Variants in SH3BP4 observed in about 807,000 individuals in gnomAD.
The protein encoded by SH3BP4 is SH3 domain-binding protein 4.
Under a neutral mutation model 65.5 loss-of-function variants are expected in SH3BP4, and 33 were observed. The ratio of observed to expected loss-of-function variants is 0.50; its 90% CI spans 0.38 to 0.67. The LOEUF (loss-of-function observed/expected upper bound fraction) is 0.67, where lower values mean the gene tolerates loss of function less well. Ranked by LOEUF, SH3BP4 falls within the 30% of genes least tolerant of loss-of-function variation. The pLI, the probability that SH3BP4 is intolerant of heterozygous loss-of-function variation, is 0.00. For missense variants in SH3BP4, 1,134 were observed against 1,261.4 expected (o/e 0.90, Z 1.53); for synonymous variants, 552 against 545.5 (o/e 1.01, Z -0.17).
chr2:235,011,313 G>C (rs1284440146), intron 2 of SH3BP4, among the ~76,000 whole-genome samples: 2 of 152,254 alleles, frequency 1.3e-5, no homozygotes, highest in South Asian at 2.1e-4. Context: ...AAAAATATCT[G>C]CCTTCATTGT....
At chr2:235,009,261 G>A (rs894734236) in intron 2 of SH3BP4, among the ~76,000 whole-genome samples, 1 of 152,172 alleles carries the variant, frequency 6.6e-6, no homozygotes, top group Non-Finnish European at 1.5e-5. Context: ...TGCAGTGTGT[G>A]TCTGTCTGCC....
At chr2:235,039,054 A>G (rs906900498) in intron 3 of SH3BP4, among the ~76,000 whole-genome samples, 1 of 152,084 alleles carries the variant, frequency 6.6e-6, no homozygotes, top group African/African-American at 2.4e-5. Flanking sequence ...GAGGAAATAC[A>G]CTTTTTGTCC....
At position 235,046,228 on chromosome 2, in the gene SH3BP4, C is replaced by T. The variant is rs975949984; in HGVS notation, c.2478+2981C>T. Reference sequence around the variant, plus strand: ...TCCAGGACGTCCTTCTCTGCAGCCCCGCGCACTCCATCATCCTCTGTCTCC... The same window carrying T: ...TCCAGGACGTCCTTCTCTGCAGCCCTGCGCACTCCATCATCCTCTGTCTCC... On this transcript the variant is annotated intron_variant, in intron 4 of 5. Transcript: ENST00000392011. This position sits in a 1 kb window ranked among gnomAD's most constrained non-coding sequence, Gnocchi z 4.2. 2.0e-4 allele frequency among the ~76,000 whole-genome samples: 31 copies of T among 152,316 alleles called. No individual in the cohort carries two copies. The highest frequency in any genetic ancestry group is 6.7e-4 in the African/African-American group (28 of 41,578).
At chr2:234,989,204 T>C (rs1318019449) in intron 1 of SH3BP4, among the ~76,000 whole-genome samples, 1 of 150,088 alleles carries the variant, frequency 6.7e-6, no homozygotes, top group Non-Finnish European at 1.5e-5. Flanking sequence ...GTCTTGGACG[T>C]GCCGTGCATG....
intron 4 of SH3BP4, among the ~76,000 whole-genome samples, chr2:235,051,201 G>T (rs962929470): frequency 5.9e-5 from 9 of 152,202 alleles, no homozygotes; most frequent in African/African-American, 2.2e-4. Flanking sequence ...ACCATGTGTG[G>T]CCTCATTTAT....
In SH3BP4 at chr2:234,991,676, C is replaced by G. The variant is rs1009923235; in HGVS notation, c.-206-3627C>G. On this transcript the variant is annotated intron_variant, in intron 1 of 5. Transcript: ENST00000392011. This position sits in a 1 kb window ranked among gnomAD's most constrained non-coding sequence, Gnocchi z 4.2. ...ACAGTGCTTGACTGAAAGATCGTAC[C>G]CCCCTCTTCTCAGCAAGGCGGTCCT... 6.6e-6 allele frequency among the ~76,000 whole-genome samples: 1 copy of G among 152,200 alleles called. No individual in the cohort carries two copies. The highest frequency in any genetic ancestry group is 2.4e-5 in the African/African-American group (1 of 41,454).
At chr2:234,963,472 C>G (rs914428806) in intron 1 of SH3BP4, among the ~76,000 whole-genome samples, 3 of 152,170 alleles carry the variant, frequency 2.0e-5, no homozygotes, top group Non-Finnish European at 2.9e-5. Context: ...TGTTCCCATC[C>G]TTTTTGGGGG....
At chr2:234,993,173 GC>G (rs1190220303) in intron 1 of SH3BP4, among the ~76,000 whole-genome samples, 7 of 152,218 alleles carry the variant, frequency 4.6e-5, no homozygotes, top group African/African-American at 1.7e-4. Context: ...GCTGAGATGA[GC>G]CCCGGGGGTC....
intron 2 of SH3BP4, among the ~76,000 whole-genome samples, chr2:235,010,826 C>T (rs866966505): frequency 5.1e-5 from 6 of 116,756 alleles, no homozygotes; most frequent in African/African-American, 1.8e-4. Flanking sequence ...AGAACCCTTC[C>T]TCCCTCTCCT....
Position 234,977,215 on chromosome 2 carries a change from C to T in SH3BP4, c.-206-18088C>T, listed in dbSNP as rs1009627903. Reference sequence around the variant, plus strand: ...CCTCTGCACCCGTGTCTGCTTCAGGCAGGTGACACTGGGCACCTCCTGCCG... The same window carrying T: ...CCTCTGCACCCGTGTCTGCTTCAGGTAGGTGACACTGGGCACCTCCTGCCG... On this transcript the variant is annotated intron_variant, in intron 1 of 5. Coordinates refer to ENST00000392011, the MANE Select transcript of SH3BP4 (RefSeq NM_014521.3). This position sits in a 1 kb window ranked among gnomAD's most constrained non-coding sequence, Gnocchi z 5.1. 1.3e-5 allele frequency among the ~76,000 whole-genome samples: 2 copies of T among 152,234 alleles called. No homozygotes were observed. Among genetic ancestry groups the T allele is most frequent in the Non-Finnish European group, 2.9e-5 (2 of 68,030 alleles).
intron 1 of SH3BP4, among the ~76,000 whole-genome samples, chr2:234,971,396 C>G (rs1283296824): frequency 6.6e-6 from 1 of 152,186 alleles, no homozygotes; most frequent in African/African-American, 2.4e-5. Flanking sequence ...ATTCATCTGT[C>G]CATGGACATT....
chr2:235,028,048 G>T (rs1414763237), intron 2 of SH3BP4, among the ~76,000 whole-genome samples: 5 of 152,224 alleles, frequency 3.3e-5, no homozygotes, highest in Non-Finnish European at 4.4e-5. Context: ...CAGTGATGTT[G>T]TCTGTTCAGA....
chr2:235,019,263 G>C (rs1432974433), intron 2 of SH3BP4, among the ~76,000 whole-genome samples: 1 of 152,084 alleles, frequency 6.6e-6, no homozygotes, highest in Admixed American at 6.5e-5. Context: ...ACTCAGGTGA[G>C]TGATGGTGCA....
Position 235,027,034 on chromosome 2 carries a change from C to T in SH3BP4, c.-132-7837C>T, listed in dbSNP as rs190888153. Among the ~76,000 whole-genome samples the T allele has an allele frequency of 2.3e-3, 343 of 152,360 alleles. 2 individuals are homozygous for T. Among genetic ancestry groups the T allele is most frequent in the African/African-American group, 7.8e-3 (326 of 41,590 alleles). On this transcript the variant is annotated intron_variant, in intron 2 of 5. Transcript: ENST00000392011. ...GAGCATTAGGAAAGGTTCTGCTGAT[C>T]AGGCTTCTGTAACAGGCGGGGCATC...
At chr2:234,965,520 C>A (rs896211757) in intron 1 of SH3BP4, among the ~76,000 whole-genome samples, 1 of 152,196 alleles carries the variant, frequency 6.6e-6, no homozygotes, top group African/African-American at 2.4e-5. Flanking sequence ...ATAGGAAAAC[C>A]GGCTGTCCTC....
intron 1 of SH3BP4, among the ~76,000 whole-genome samples, chr2:234,988,076 T>G (rs1311593370): frequency 6.6e-6 from 1 of 152,176 alleles, no homozygotes; most frequent in Non-Finnish European, 1.5e-5. Context: ...TTTTTTTTCT[T>G]TGAGTCAGAG....
intron 2 of SH3BP4, among the ~76,000 whole-genome samples, chr2:235,012,472 A>T (rs193279596): frequency 6.6e-4 from 100 of 152,318 alleles, no homozygotes; most frequent in Admixed American, 2.8e-3. Context: ...ATCATTGTAC[A>T]TCCCACCTAA....
At chr2:234,957,705 G>C (rs1398249377) in intron 1 of SH3BP4, among the ~76,000 whole-genome samples, 2 of 151,900 alleles carry the variant, frequency 1.3e-5, no homozygotes, top group African/African-American at 4.8e-5. Context: ...TGTAGATTTG[G>C]AAAGCTTCCC....
rs1695479267 is a variant in SH3BP4, at chr2:235,038,307, ATATATTATATATT to A, written c.119-2580_119-2568del. Among the ~76,000 whole-genome samples, 5 of 14,220 alleles carry A rather than the reference ATATATTATATATT, an allele frequency of 3.5e-4. No homozygotes were observed. In the Admixed American group the frequency reaches 6.9e-3, roughly 20 times the overall value. The allele number at this position is 14,220 out of a possible 152,430, so 9.3% of individuals were successfully genotyped here. On this transcript the variant is annotated intron_variant, in intron 3 of 5. Transcript: ENST00000392011. ...TATATATAATATATATATTATATAT[ATATATTATATATT>A]ATATATATATTATATATAGTATATA...
Sources: allele counts gnomAD v4.1 joint callset (sites outside exome capture counted in the v4.1 genomes callset), GRCh38; gene constraint gnomAD v4.1.1; non-coding constraint Gnocchi (gnomAD v3.1); transcripts MANE v1.5; gene names NCBI Gene and HGNC (gene_info 2026-07-23, HGNC 2026-07-21).